Variants in PARD3B observed in about 807,000 individuals in gnomAD.
PARD3B encodes the protein par-3 family cell polarity regulator beta, also known as partitioning defective 3 homolog B.
PARD3B carries 103 observed loss-of-function variants against 130.2 expected under a neutral mutation model. The ratio of observed to expected loss-of-function variants is 0.79; its 90% CI spans 0.67 to 0.93. The LOEUF (loss-of-function observed/expected upper bound fraction) is 0.93. PARD3B is among the 40% of genes least tolerant of loss of function. The pLI is 0.00. For synonymous variants in PARD3B, 583 were observed against 553.2 expected (o/e 1.05, Z -0.76); for missense variants, 1,609 against 1,499.2 (o/e 1.07, Z -1.21).
At chr2:205,136,644 C>T (rs13009493) in intron 10 of PARD3B, among the ~76,000 whole-genome samples, 64 of 152,126 alleles carry the variant, frequency 4.2e-4, no homozygotes, top group Non-Finnish European at 7.8e-4. Context: ...CCTTGACTTC[C>T]CACTGGAGGA....
At chr2:204,955,078 A>T (rs1349326742) in intron 2 of PARD3B, among the ~76,000 whole-genome samples, 1 of 152,204 alleles carries the variant, frequency 6.6e-6, no homozygotes, top group East Asian at 1.9e-4. Context: ...CATGACTTAA[A>T]ATCACATTTG....
chr2:205,503,428 T>G (rs2050232937), intron 21 of PARD3B, among the ~76,000 whole-genome samples: 1 of 152,048 alleles, frequency 6.6e-6, no homozygotes, highest in African/African-American at 2.4e-5. Context: ...ATTCTCAAAT[T>G]TGTTGGATTT....
intron 2 of PARD3B, among the ~76,000 whole-genome samples, chr2:204,845,510 AGGGGTG>A (rs1384535240): frequency 4.6e-5 from 7 of 152,126 alleles, no homozygotes; most frequent in African/African-American, 1.7e-4. Flanking sequence ...TAGATATGTA[AGGGGTG>A]GTAACACCTT....
intron 1 of PARD3B, among the ~76,000 whole-genome samples, chr2:204,581,303 G>A (rs1318584492): frequency 2.0e-5 from 3 of 152,166 alleles, no homozygotes; most frequent in Admixed American, 6.5e-5. Context: ...TAGATGCTGA[G>A]TTGCATTTGT....
chr2:205,277,047 A>G (rs1426421376), intron 16 of PARD3B, among the ~76,000 whole-genome samples: 2 of 152,224 alleles, frequency 1.3e-5, no homozygotes, highest in Non-Finnish European at 2.9e-5. Flanking sequence ...ATACAATTAA[A>G]CAAGAGTCCA....
At position 205,265,737 on chromosome 2, in the gene PARD3B, TA is replaced by T. The variant is rs2105780751; in HGVS notation, c.2185+19916del. ...GTGCTCTTTTTAACACGATATTTAT[TA>T]GGTGCAAGTTACATGCTATTGTAGT... On this transcript the variant is annotated intron_variant, in intron 16 of 22. Coordinates refer to ENST00000406610, the MANE Select transcript of PARD3B (RefSeq NM_001302769.2). This position sits in a 1 kb window ranked among gnomAD's most constrained non-coding sequence, Gnocchi z 4.3. Among the ~76,000 whole-genome samples, 1 of 152,196 alleles carries T rather than the reference TA, an allele frequency of 6.6e-6. No homozygotes were observed. Among genetic ancestry groups the T allele is most frequent in the Admixed American group, 6.5e-5 (1 of 15,268 alleles).
rs1016108877 is a variant in PARD3B, at chr2:205,461,091, C to T, written c.3044+20419C>T. Among the ~76,000 whole-genome samples the T allele has an allele frequency of 3.9e-5, 6 of 152,084 alleles. No homozygotes were observed. The highest frequency in any genetic ancestry group is 8.8e-5 in the Non-Finnish European group (6 of 68,024). ...TCCTTACTTTCATGGAACTTAAGAC[C>T]TACAGGAGGAGACAAATATTAAATG... is the stretch of plus-strand genomic sequence containing the variant. On this transcript the variant is annotated intron_variant, in intron 20 of 22. Coordinates refer to ENST00000406610, the MANE Select transcript of PARD3B (RefSeq NM_001302769.2). This position sits in a 1 kb window ranked among gnomAD's most constrained non-coding sequence, Gnocchi z 4.3.
intron 21 of PARD3B, among the ~76,000 whole-genome samples, chr2:205,538,610 CTCTT>C (rs2051976373): frequency 6.6e-6 from 1 of 152,114 alleles, no homozygotes; most frequent in African/African-American, 2.4e-5. Context: ...ATAATTCCCT[CTCTT>C]TCTGTCTATC....
chr2:205,370,578 T>G (rs1427660122), intron 18 of PARD3B, among the ~76,000 whole-genome samples: 1 of 152,162 alleles, frequency 6.6e-6, no homozygotes, highest in Non-Finnish European at 1.5e-5. Context: ...ATAACTGACC[T>G]TATGGATCTA....
chr2:205,354,580 A>G (rs985305447), intron 18 of PARD3B, among the ~76,000 whole-genome samples: 5 of 152,118 alleles, frequency 3.3e-5, no homozygotes, highest in Non-Finnish European at 7.4e-5. Context: ...AGCCTCCCAA[A>G]ATGTTGGGAT....
In PARD3B at chr2:204,727,835, G is replaced by A. The variant is rs560505341; in HGVS notation, c.222+41553G>A. ...GTGGAGATTTTGGCCCTCTGATGTC[G>A]AAAAGTGAAGCAGAGGCCAAATCCC... On this transcript the variant is annotated intron_variant, in intron 2 of 22. Transcript: ENST00000406610. 1.9e-4 allele frequency among the ~76,000 whole-genome samples: 29 copies of A among 152,254 alleles called. No homozygotes were observed. The South Asian group carries it at 2.9e-3, about 15-fold the overall frequency.
chr2:204,886,938 A>G lies in PARD3B; in HGVS notation c.223-78214A>G, dbSNP rs372636687. The stretch of plus-strand genomic sequence containing the variant: ...TTAGCCTAATGACCATGACTGCCTA[A>G]CAGTCACTACTGGTATCTGGCAGGC... On this transcript the variant is annotated intron_variant, in intron 2 of 22. Transcript: ENST00000406610. Among the ~76,000 whole-genome samples, 57 of 152,326 alleles carry G rather than the reference A, an allele frequency of 3.7e-4. 1 individual carries two copies. Among genetic ancestry groups the G allele is most frequent in the African/African-American group, 1.3e-3 (56 of 41,580 alleles).
chr2:205,537,726 T>A lies in PARD3B; in HGVS notation c.3181-15598T>A, dbSNP rs374765558. Among the ~76,000 whole-genome samples the A allele has an allele frequency of 9.2e-4, 140 of 152,280 alleles. No individual in the cohort carries two copies. In the South Asian group the frequency reaches 0.027, roughly 29 times the overall value. ...GAAGCCAGCTGTCATTCTCTCCTCA[T>A]CCAGTCACTAGAACTACACACACAT... On this transcript the variant is annotated intron_variant, in intron 21 of 22. Transcript: ENST00000406610.
intron 22 of PARD3B, among the ~76,000 whole-genome samples, chr2:205,555,882 C>T (rs1252068441): frequency 1.3e-5 from 2 of 152,182 alleles, no homozygotes; most frequent in Non-Finnish European, 2.9e-5. Flanking sequence ...CCCTCCCAGG[C>T]ATTGCACCCT....
chr2:204,785,760 T>C (rs1252072377), intron 2 of PARD3B, among the ~76,000 whole-genome samples: 4 of 152,206 alleles, frequency 2.6e-5, no homozygotes, highest in African/African-American at 9.7e-5. Context: ...TTTTACCTTT[T>C]TCCCCCATAT....
At chr2:204,897,550 G>A (rs573612794) in intron 2 of PARD3B, among the ~76,000 whole-genome samples, 5 of 152,182 alleles carry the variant, frequency 3.3e-5, no homozygotes, top group African/African-American at 1.2e-4. Flanking sequence ...AACATAGGAA[G>A]ATCCTGTGTA....
At chr2:205,453,878 C>A (rs187538062) in intron 20 of PARD3B, among the ~76,000 whole-genome samples, 1 of 152,110 alleles carries the variant, frequency 6.6e-6, no homozygotes, top group African/African-American at 2.4e-5. Flanking sequence ...GCACATGATG[C>A]AAAATGCATT....
intron 2 of PARD3B, among the ~76,000 whole-genome samples, chr2:204,937,323 C>A (rs1688539743): frequency 6.6e-6 from 1 of 152,202 alleles, no homozygotes; most frequent in South Asian, 2.1e-4. Context: ...CCCTCTGACA[C>A]CCATTCAGCT....
intron 19 of PARD3B, among the ~76,000 whole-genome samples, chr2:205,408,576 A>G (rs1295051755): frequency 1.3e-5 from 2 of 152,192 alleles, no homozygotes; most frequent in Non-Finnish European, 2.9e-5. Flanking sequence ...TCCTAAATAT[A>G]TACAGCAACA....
Sources: gnomAD v4.1 joint callset for allele counts (sites outside exome capture counted in the v4.1 genomes callset) on GRCh38, gnomAD v4.1.1 for gene constraint, Gnocchi (gnomAD v3.1) non-coding constraint, MANE v1.5 for transcripts, NCBI Gene and HGNC (gene_info 2026-07-23, HGNC 2026-07-21) for gene names.